ANTXR2: variants seen among roughly 807,000 people sequenced by gnomAD.
ANTXR2 encodes the protein ANTXR cell adhesion molecule 2, also known as anthrax toxin receptor 2.
A neutral mutation model predicts 73.7 loss-of-function variants in ANTXR2; 44 were observed. The observed-to-expected ratio is 0.60, with a 90% CI of 0.47 to 0.77. The LOEUF (loss-of-function observed/expected upper bound fraction) is 0.77. Ranked by LOEUF, ANTXR2 falls within the 30% of genes least tolerant of loss-of-function variation. The pLI, the probability that ANTXR2 is intolerant of heterozygous loss-of-function variation, is 0.00. For missense variants in ANTXR2, 604 were observed against 592.5 expected (o/e 1.02, Z -0.20); for synonymous variants, 217 against 205.9 (o/e 1.05, Z -0.46).
intron 11 of ANTXR2, among the ~76,000 whole-genome samples, chr4:80,014,489 C>T (rs11098990): frequency 0.098 from 14,959 of 152,020 alleles, 1,815 homozygotes; most frequent in East Asian, 0.64. Context: ...TTGCTTGAAC[C>T]CGGGAAGCAG....
intron 8 of ANTXR2, among the ~76,000 whole-genome samples, chr4:80,035,762 A>G (rs1355538094): frequency 1.3e-5 from 2 of 152,174 alleles, no homozygotes; most frequent in Non-Finnish European, 2.9e-5. Context: ...GTCACACAAT[A>G]TGCTCATTAT....
chr4:79,983,952 G>A lies in ANTXR2; in HGVS notation c.1105C>T (p.Pro369Ser). Residue 369 changes from proline to serine, a missense_variant, in exon 14 of 17, where the codon CCT becomes TCT. Pro to Ser is a moderately conservative substitution (Grantham distance 74). Coordinates refer to ENST00000403729, the MANE Select transcript of ANTXR2 (RefSeq NM_058172.6). ...TCCACAGTTGGCCACTTTTTAGTAG[G>A]CAAAGGTTCTTCTTCCTCCTGTGGA... ...APKEEEEEPL[P>S]TKKWPTVDAS... The A allele has an allele frequency of 6.3e-7, 1 of 1,597,970 alleles. No individual in the cohort carries two copies. Among genetic ancestry groups the A allele is most frequent in the Non-Finnish European group, 8.5e-7 (1 of 1,174,186 alleles).
chr4:80,066,985 CAGG>C (rs1203530680), intron 3 of ANTXR2, among the ~76,000 whole-genome samples: 3 of 152,034 alleles, frequency 2.0e-5, no homozygotes, highest in Non-Finnish European at 2.9e-5. Flanking sequence ...ATCACGAGGT[CAGG>C]AGATCAGGAG....
chr4:79,963,178 C>T (rs1729209890), intron 16 of ANTXR2, among the ~76,000 whole-genome samples: 1 of 152,030 alleles, frequency 6.6e-6, no homozygotes, highest in Non-Finnish European at 1.5e-5. Context: ...ATTTAAGAAG[C>T]CACCATTAAA....
chr4:79,931,242 G>T (rs1728041716), intron 16 of ANTXR2, among the ~76,000 whole-genome samples: 1 of 152,042 alleles, frequency 6.6e-6, no homozygotes. Flanking sequence ...TAAATGTTTG[G>T]TTTTAGCTTC....
intron 8 of ANTXR2, among the ~76,000 whole-genome samples, chr4:80,034,892 A>T (rs1352544901): frequency 1.3e-5 from 2 of 152,150 alleles, no homozygotes; most frequent in Non-Finnish European, 2.9e-5. Flanking sequence ...TTCACTTGCA[A>T]GTTAAAATAA....
intron 16 of ANTXR2, among the ~76,000 whole-genome samples, chr4:79,933,031 T>C (rs1314299146): frequency 6.6e-6 from 1 of 152,034 alleles, no homozygotes; most frequent in African/African-American, 2.4e-5. Flanking sequence ...TCCTTAACAA[T>C]ACCCCCACTT....
At chr4:80,025,703 T>C (rs1732399293) in intron 10 of ANTXR2, among the ~76,000 whole-genome samples, 1 of 152,208 alleles carries the variant, frequency 6.6e-6, no homozygotes, top group Admixed American at 6.5e-5. Flanking sequence ...TATTCATGAA[T>C]AGTTTAAAGG....
chr4:79,906,915 T>C lies in ANTXR2; in HGVS notation c.*514A>G, dbSNP rs1726933514. On this transcript the variant is annotated 3_prime_UTR_variant, in exon 17 of 17. Coordinates refer to ENST00000403729, the MANE Select transcript of ANTXR2 (RefSeq NM_058172.6). Reference sequence around the variant, plus strand: ...GAGCACTTGGAAGGATTCTGTGATCTGACATAGCTATAAGGCAATGGACTT... The same window carrying C: ...GAGCACTTGGAAGGATTCTGTGATCCGACATAGCTATAAGGCAATGGACTT... 6.2e-6 allele frequency: 1 copy of C among 160,940 alleles called. No homozygotes were observed. Among genetic ancestry groups the C allele is most frequent in the Non-Finnish European group, 1.3e-5 (1 of 74,352 alleles). 10.0% of individuals were successfully genotyped at this position (160,940 alleles called of 1,614,324 possible).
At chr4:80,001,323 C>G (rs1731023514) in intron 12 of ANTXR2, among the ~76,000 whole-genome samples, 1 of 130,232 alleles carries the variant, frequency 7.7e-6, no homozygotes, top group South Asian at 2.9e-4. Context: ...CCCCTCCCCC[C>G]ACCCCACAAC....
At chr4:80,069,596 A>T in intron 2 of ANTXR2, 89 bp from the exon 3 acceptor site, 1 of 1,072,358 alleles carries the variant, frequency 9.3e-7, no homozygotes, top group Non-Finnish European at 1.4e-6. Context: ...TTCATTTAAA[A>T]TTGGTCTCAC....
At chr4:80,007,718 AG>A (rs1007487726) in intron 12 of ANTXR2, among the ~76,000 whole-genome samples, 1 of 152,170 alleles carries the variant, frequency 6.6e-6, no homozygotes, top group Non-Finnish European at 1.5e-5. Flanking sequence ...AGATAGAGAA[AG>A]GGGGGTATGA....
chr4:79,919,317 T>C lies in ANTXR2; in HGVS notation c.1429-11850A>G, dbSNP rs999317002. Among the ~76,000 whole-genome samples the C allele has an allele frequency of 2.0e-5, 3 of 152,298 alleles. No individual in the cohort carries two copies. The East Asian group carries it at 5.8e-4, about 29-fold the overall frequency. ...AGAAATGTTTCACTTAATTCACCAGTCTTAATTTTACTATTTGTTATTAAT... is the reference window on the plus strand; with the variant it reads ...AGAAATGTTTCACTTAATTCACCAGCCTTAATTTTACTATTTGTTATTAAT... On this transcript the variant is annotated intron_variant, in intron 16 of 16. Coordinates refer to ENST00000403729, the MANE Select transcript of ANTXR2 (RefSeq NM_058172.6).
At chr4:80,032,172 A>G (rs1400480929) in intron 9 of ANTXR2, among the ~76,000 whole-genome samples, 1 of 151,834 alleles carries the variant, frequency 6.6e-6, no homozygotes. Context: ...AACTTTAATA[A>G]AATATGAAAA....
At chr4:79,972,920 T>TAAAAAA (rs746252575) in intron 16 of ANTXR2, among the ~76,000 whole-genome samples, 1 of 53,178 alleles carries the variant, frequency 1.9e-5, no homozygotes, top group Non-Finnish European at 3.4e-5. Context: ...TAGAGTATAA[T>TAAAAAA]AAAAAAAAAA....
rs113131850 is a variant in ANTXR2 at position 80,026,174 on chromosome 4, A to G, written c.866+5449T>C. On this transcript the variant is annotated intron_variant, in intron 10 of 16. Coordinates refer to ENST00000403729, the MANE Select transcript of ANTXR2 (RefSeq NM_058172.6). Reference sequence around the variant, plus strand: ...CCCGTGTAAAGGGAGGATCCTGATAAGAGGTGAATGGGTTATGGGGATGGT... The same window carrying G: ...CCCGTGTAAAGGGAGGATCCTGATAGGAGGTGAATGGGTTATGGGGATGGT... Among the ~76,000 whole-genome samples, 1,436 of 152,148 alleles carry G rather than the reference A, an allele frequency of 9.4e-3. 24 individuals carry two copies. Among genetic ancestry groups the G allele is most frequent in the African/African-American group, 0.032 (1,341 of 41,516 alleles).
chr4:80,023,543 G>A (rs1450292529), intron 10 of ANTXR2, among the ~76,000 whole-genome samples: 3 of 152,210 alleles, frequency 2.0e-5, no homozygotes, highest in Admixed American at 1.3e-4. Flanking sequence ...AAAAGAATGC[G>A]ATATTAAATA....
rs1419616024 is a variant in ANTXR2, at chr4:79,984,841, G to A, written c.1064C>T (p.Pro355Leu). The change falls in exon 13 of 17, where the codon CCA becomes CTA. Residue 355 changes from proline to leucine, a missense_variant. Physicochemically the swap from Pro to Leu is moderately conservative, Grantham distance 98. Transcript: ENST00000403729. The stretch of plus-strand genomic sequence containing the variant: ...TACCTCTTTTGGTGCAGGGGCGGGT[G>A]GTGGTGGAGGATCCTTAATAACCTG... ...CKVVIKDPPP[P>L]PAPAPKEEEE... 6.2e-7 allele frequency: 1 copy of A among 1,607,060 alleles called. No homozygotes were observed. The highest frequency in any genetic ancestry group is 8.5e-7 in the Non-Finnish European group (1 of 1,176,338).
chr4:80,033,421 C>G, intron 9 of ANTXR2, 51 bp downstream of exon 9: 1 of 1,361,618 alleles, frequency 7.3e-7, no homozygotes, highest in Non-Finnish European at 1.0e-6. Context: ...ACATTTGATG[C>G]TGATGTGCTT....
Sources: allele counts gnomAD v4.1 joint callset (sites outside exome capture counted in the v4.1 genomes callset), GRCh38; gene constraint gnomAD v4.1.1; transcripts MANE v1.5; gene names NCBI Gene and HGNC (gene_info 2026-07-23, HGNC 2026-07-21).